SMARCA2: variants seen among roughly 807,000 people sequenced by gnomAD.
SMARCA2 encodes SWI/SNF-related matrix-associated actin-dependent regulator of chromatin subfamily A member 2.
SMARCA2 carries 61 observed loss-of-function variants against 199.8 expected under a neutral mutation model. That is an observed-to-expected ratio of 0.31 (90% CI 0.25 to 0.38). SMARCA2 has a LOEUF of 0.38. Among genes scored for constraint, SMARCA2 ranks in the 10% least tolerant of loss-of-function variants. SMARCA2 has a pLI of 1.00. For synonymous variants in SMARCA2, 935 were observed against 732.0 expected (o/e 1.28, Z -4.48); for missense variants, 1,344 against 2,012.2 (o/e 0.67, Z 6.35).
intron 27 of SMARCA2, among the ~76,000 whole-genome samples, chr9:2,134,562 A>G (rs7019331): frequency 0.34 from 52,005 of 152,112 alleles, 15,389 homozygotes; most frequent in African/African-American, 0.8. Flanking sequence ...CCTGCAGGAA[A>G]AACAATGGGG....
At chr9:2,099,767 C>T (rs1324059315) in intron 21 of SMARCA2, among the ~76,000 whole-genome samples, 1 of 152,142 alleles carries the variant, frequency 6.6e-6, no homozygotes, top group Non-Finnish European at 1.5e-5. Context: ...CTGCCAGATG[C>T]TGAGCCTCAA....
chr9:2,181,997 C>T (rs867743588), intron 30 of SMARCA2, 144 bp from the exon 31 acceptor site: 19 of 699,278 alleles, frequency 2.7e-5, no homozygotes, highest in Non-Finnish European at 4.6e-5. Context: ...TGAATGGCGC[C>T]CCCTGGGGTT....
intron 27 of SMARCA2, among the ~76,000 whole-genome samples, chr9:2,155,143 G>A (rs1825282096): frequency 6.6e-6 from 1 of 152,198 alleles, no homozygotes; most frequent in East Asian, 1.9e-4. Flanking sequence ...TTCAGGGCCA[G>A]ACGTTTTGTG....
At chr9:2,042,594 C>G (rs941251313) in intron 4 of SMARCA2, 9 of 151,580 alleles carry the variant, frequency 5.9e-5, no homozygotes, top group African/African-American at 2.2e-4. Flanking sequence ...ACAATAAATG[C>G]TTCATGTCCT....
chr9:2,159,794 CTCTTT>C (rs1825569648), intron 27 of SMARCA2: 1 of 1,603,956 alleles, frequency 6.2e-7, no homozygotes, highest in Non-Finnish European at 8.5e-7. Context: ...TTCCCCAGCT[CTCTTT>C]TTTTTCCTGA....
intron 27 of SMARCA2, among the ~76,000 whole-genome samples, chr9:2,134,030 G>T (rs188728651): frequency 4.7e-4 from 72 of 152,280 alleles, no homozygotes; most frequent in Non-Finnish European, 9.1e-4. Flanking sequence ...AGAATTAAAG[G>T]TGTGTAACAT....
chr9:2,018,840 T>A (rs1363595820), intron 1 of SMARCA2, among the ~76,000 whole-genome samples: 1 of 152,232 alleles, frequency 6.6e-6, no homozygotes, highest in Non-Finnish European at 1.5e-5. Flanking sequence ...CCATCTGTTA[T>A]CAGGGGGGCC....
chr9:2,191,029 G>T (rs941845083), intron 32 of SMARCA2, among the ~76,000 whole-genome samples: 3 of 152,148 alleles, frequency 2.0e-5, no homozygotes, highest in Non-Finnish European at 4.4e-5. Context: ...ATGAGACCTC[G>T]GTCCCTCTTG....
intron 18 of SMARCA2, chr9:2,087,386 T>C (rs529174320): frequency 2.8e-5 from 8 of 283,954 alleles, no homozygotes; most frequent in African/African-American, 1.7e-4. Flanking sequence ...CATGGAGATA[T>C]TTTGCTGAAG....
chr9:2,019,554 A>G (rs955493043), intron 1 of SMARCA2, among the ~76,000 whole-genome samples: 2 of 150,990 alleles, frequency 1.3e-5, no homozygotes, highest in Non-Finnish European at 2.9e-5. Context: ...CTTGAATTCT[A>G]TTTAAAGTAT....
At chr9:2,103,386 G>T (rs1391129062) in intron 22 of SMARCA2, among the ~76,000 whole-genome samples, 1 of 152,066 alleles carries the variant, frequency 6.6e-6, no homozygotes. Flanking sequence ...TCTAAAGAAG[G>T]CATCACATGT....
At chr9:2,189,280 C>T (rs954170848) in intron 32 of SMARCA2, among the ~76,000 whole-genome samples, 4 of 152,240 alleles carry the variant, frequency 2.6e-5, no homozygotes, top group Non-Finnish European at 5.9e-5. Context: ...TTATAGGGCT[C>T]ACCTAATGGT....
chr9:2,103,589 T>G (rs1822620401), intron 22 of SMARCA2, among the ~76,000 whole-genome samples: 1 of 151,484 alleles, frequency 6.6e-6, no homozygotes, highest in African/African-American at 2.4e-5. Context: ...TTTAAAAAGT[T>G]ATATACTGAA....
intron 9 of SMARCA2, among the ~76,000 whole-genome samples, chr9:2,066,805 TAG>T (rs1820856336): frequency 6.6e-6 from 1 of 152,250 alleles, no homozygotes; most frequent in Non-Finnish European, 1.5e-5. Flanking sequence ...GGAGACGCTG[TAG>T]CAGCTGCTGC....
chr9:2,170,406 T>A lies in SMARCA2; in HGVS notation c.4200-13T>A. 6.2e-7 allele frequency: 1 copy of A among 1,614,122 alleles called. No homozygotes were observed. Among genetic ancestry groups the A allele is most frequent in the Non-Finnish European group, 8.5e-7 (1 of 1,179,982 alleles). On this transcript the variant is annotated splice_polypyrimidine_tract_variant and intron_variant, in intron 28 of 33. Transcript: ENST00000349721. This position sits in a 1 kb window ranked among gnomAD's most constrained non-coding sequence, Gnocchi z 4.7. ...GGTCTTCTGACTCTAGTGTTCTTTCTACTCTACCGCAGGTGTAACGTGGAG... is the reference window on the plus strand; with the variant it reads ...GGTCTTCTGACTCTAGTGTTCTTTCAACTCTACCGCAGGTGTAACGTGGAG...
intron 9 of SMARCA2, among the ~76,000 whole-genome samples, chr9:2,063,807 C>G (rs1179319043): frequency 6.6e-6 from 1 of 151,350 alleles, no homozygotes; most frequent in Non-Finnish European, 1.5e-5. Context: ...ATTGTGTTGA[C>G]TTGTTGCTCG....
intron 10 of SMARCA2, among the ~76,000 whole-genome samples, chr9:2,072,575 T>G (rs183968024): frequency 2.0e-5 from 3 of 152,348 alleles, no homozygotes; most frequent in Non-Finnish European, 2.9e-5. Flanking sequence ...TGAGATGACA[T>G]AAGTTATAAT....
Position 2,056,314 on chromosome 9 carries a change from TAAAAC to T in SMARCA2, c.1174-354_1174-350del, listed in dbSNP as rs143452070. ...ACAAAGAGAATGTTAACATGACACT[TAAAAC>T]AAAGCGGAAAATTTAAAAAGCTTAT... On this transcript the variant is annotated intron_variant, in intron 6 of 33. Transcript: ENST00000349721. The surrounding 1 kb of genome is among the most constrained non-coding windows in gnomAD (Gnocchi z 4.0). Among the ~76,000 whole-genome samples, 387 of 152,346 alleles carry T rather than the reference TAAAAC, an allele frequency of 2.5e-3. 4 individuals carry two copies. Among genetic ancestry groups the T allele is most frequent in the East Asian group, 0.02 (102 of 5,190 alleles).
Position 2,187,117 on chromosome 9 carries a change from AT to A in SMARCA2, c.4594+899del, listed in dbSNP as rs35427397. 4.0e-5 allele frequency among the ~76,000 whole-genome samples: 6 copies of A among 150,582 alleles called. No homozygotes were observed. The East Asian group carries it at 5.8e-4, about 15-fold the overall frequency. ...GTTGGAACTGTGAATTTTGCATAGAATTTTTTTTTTGCCAGGGGAAGAGGGG... is the reference window on the plus strand; with the variant it reads ...GTTGGAACTGTGAATTTTGCATAGAATTTTTTTTTGCCAGGGGAAGAGGGG... On this transcript the variant is annotated intron_variant, in intron 32 of 33. Coordinates refer to ENST00000349721, the MANE Select transcript of SMARCA2 (RefSeq NM_003070.5).
Sources: gnomAD v4.1 joint callset for allele counts (sites outside exome capture counted in the v4.1 genomes callset) on GRCh38, gnomAD v4.1.1 for gene constraint, Gnocchi (gnomAD v3.1) non-coding constraint, MANE v1.5 for transcripts, NCBI Gene and HGNC (gene_info 2026-07-23, HGNC 2026-07-21) for gene names.